Variants in CSTF3 observed in about 807,000 individuals in gnomAD.
The protein encoded by CSTF3 is CF-1 77 kDa subunit.
A neutral mutation model predicts 105.8 loss-of-function variants in CSTF3; 29 were observed. That is an observed-to-expected ratio of 0.27 (90% CI 0.20 to 0.37). The LOEUF (loss-of-function observed/expected upper bound fraction) is 0.37. Ranked by LOEUF, CSTF3 falls within the 10% of genes least tolerant of loss-of-function variation. The pLI is 1.00. For missense variants in CSTF3, 357 were observed against 879.3 expected (o/e 0.41, Z 7.51); for synonymous variants, 252 against 281.9 (o/e 0.89, Z 1.06).
chr11:33,133,474 T>G (rs977593003), intron 3 of CSTF3, among the ~76,000 whole-genome samples: 3 of 152,250 alleles, frequency 2.0e-5, no homozygotes, highest in Non-Finnish European at 4.4e-5. Context: ...ACTACGCCTC[T>G]GGATGAAATA....
At chr11:33,155,386 T>TAAA (rs35704730) in intron 1 of CSTF3, among the ~76,000 whole-genome samples, 3 of 144,478 alleles carry the variant, frequency 2.1e-5, no homozygotes, top group Non-Finnish European at 3.0e-5. Flanking sequence ...ATAAAAAAAT[T>TAAA]AAAAAAAAAA....
intron 3 of CSTF3, among the ~76,000 whole-genome samples, chr11:33,129,239 ACAC>A (rs1313942331): frequency 1.3e-5 from 2 of 152,010 alleles, no homozygotes. Flanking sequence ...TTACAGGTGC[ACAC>A]CACCACACCT....
intron 3 of CSTF3, among the ~76,000 whole-genome samples, chr11:33,108,920 C>T (rs1855352828): frequency 6.6e-6 from 1 of 152,144 alleles, no homozygotes; most frequent in Admixed American, 6.5e-5. Flanking sequence ...CCCCTGCCCT[C>T]ATAGAGCTTA....
At chr11:33,133,412 C>A (rs777621772) in intron 3 of CSTF3, among the ~76,000 whole-genome samples, 1 of 152,154 alleles carries the variant, frequency 6.6e-6, no homozygotes, top group Non-Finnish European at 1.5e-5. Flanking sequence ...CTGGTCAACA[C>A]CTGAACCACA....
At chr11:33,116,223 G>A (rs1187742062) in intron 3 of CSTF3, among the ~76,000 whole-genome samples, 1 of 152,088 alleles carries the variant, frequency 6.6e-6, no homozygotes, top group Non-Finnish European at 1.5e-5. Flanking sequence ...ACTTTCCCAA[G>A]CCAACTAAAA....
intron 9 of CSTF3, among the ~76,000 whole-genome samples, chr11:33,102,603 A>C (rs757700669): frequency 7.9e-5 from 12 of 152,208 alleles, no homozygotes; most frequent in Non-Finnish European, 1.3e-4. Context: ...AGGATGTAAG[A>C]GTTGACAGAT....
At chr11:33,095,557 C>T (rs1332234158) in intron 15 of CSTF3, among the ~76,000 whole-genome samples, 1 of 151,856 alleles carries the variant, frequency 6.6e-6, no homozygotes, top group African/African-American at 2.4e-5. Flanking sequence ...CGCGGTGGCT[C>T]ACGCCTGTAA....
At chr11:33,112,684 T>C (rs1403532084) in intron 3 of CSTF3, among the ~76,000 whole-genome samples, 1 of 152,138 alleles carries the variant, frequency 6.6e-6, no homozygotes, top group Non-Finnish European at 1.5e-5. Flanking sequence ...TTTTCCTTCT[T>C]TAAAAGATTA....
At chr11:33,149,728 A>G (rs1451857910) in intron 1 of CSTF3, among the ~76,000 whole-genome samples, 1 of 152,186 alleles carries the variant, frequency 6.6e-6, no homozygotes, top group Non-Finnish European at 1.5e-5. Flanking sequence ...TACTAAAAAT[A>G]CAAAAATTGG....
intron 1 of CSTF3, among the ~76,000 whole-genome samples, chr11:33,145,219 T>C (rs1260650036): frequency 6.6e-6 from 1 of 151,974 alleles, no homozygotes; most frequent in Non-Finnish European, 1.5e-5. Context: ...GAGGATTGCT[T>C]GAGCCCAGGA....
chr11:33,158,533 A>G (rs1479430427), intron 1 of CSTF3, among the ~76,000 whole-genome samples: 1 of 152,182 alleles, frequency 6.6e-6, no homozygotes, highest in African/African-American at 2.4e-5. Context: ...TTATCAATTG[A>G]TAACTAGGTA....
At chr11:33,122,648 C>T (rs1441102996) in intron 3 of CSTF3, among the ~76,000 whole-genome samples, 1 of 152,020 alleles carries the variant, frequency 6.6e-6, no homozygotes, top group East Asian at 1.9e-4. Flanking sequence ...AGCATGGTGG[C>T]TCAAGCCTGT....
At chr11:33,086,487 G>A (rs1164216470) in intron 18 of CSTF3, among the ~76,000 whole-genome samples, 2 of 151,294 alleles carry the variant, frequency 1.3e-5, no homozygotes, top group African/African-American at 4.9e-5. Flanking sequence ...GCCCAGGCTG[G>A]AGTGCAATGG....
intron 1 of CSTF3, among the ~76,000 whole-genome samples, chr11:33,148,962 G>GCA (rs1406497438): frequency 6.6e-6 from 1 of 151,502 alleles, no homozygotes; most frequent in Non-Finnish European, 1.5e-5. Flanking sequence ...ACGTAGCTGG[G>GCA]ACTACAGGCG....
chr11:33,126,535 T>G (rs924766241), intron 3 of CSTF3, among the ~76,000 whole-genome samples: 1 of 152,190 alleles, frequency 6.6e-6, no homozygotes, highest in African/African-American at 2.4e-5. Flanking sequence ...CTGAAATACT[T>G]AAATATTTAG....
chr11:33,122,146 G>GTA (rs1855496075), intron 3 of CSTF3, among the ~76,000 whole-genome samples: 1 of 152,130 alleles, frequency 6.6e-6, no homozygotes, highest in Non-Finnish European at 1.5e-5. Context: ...ATACATTGTT[G>GTA]GATAGCAAAG....
rs1223303134 is a variant in CSTF3, at chr11:33,084,821, TG to T, written c.*265del. 8.4e-6 allele frequency: 4 copies of T among 478,278 alleles called. No homozygotes were observed. Among genetic ancestry groups the T allele is most frequent in the Non-Finnish European group, 1.5e-5 (4 of 265,298 alleles). 29.6% of individuals were successfully genotyped at this position (478,278 alleles called of 1,614,324 possible). ...TCAAGCGGCACATACAAGACACCCT[TG>T]AAGAGGGAACAAAATGTGGTTCTGC... On this transcript the variant is annotated 3_prime_UTR_variant, in exon 21 of 21. Transcript: ENST00000323959.
At chr11:33,096,501 ATATG>A in intron 14 of CSTF3, 93 bp from the exon 15 acceptor site, 1 of 775,440 alleles carries the variant, frequency 1.3e-6, no homozygotes, top group Non-Finnish European at 2.1e-6. Flanking sequence ...ATATGACAAA[ATATG>A]TAAGAATTAA....
At chr11:33,121,027 C>T (rs1165102198) in intron 3 of CSTF3, among the ~76,000 whole-genome samples, 1 of 152,066 alleles carries the variant, frequency 6.6e-6, no homozygotes, top group Middle Eastern at 3.4e-3. Context: ...CACAGGATTT[C>T]GATCTTTCCG....
Sources: allele counts gnomAD v4.1 joint callset (sites outside exome capture counted in the v4.1 genomes callset), GRCh38; gene constraint gnomAD v4.1.1; transcripts MANE v1.5; gene names NCBI Gene and HGNC (gene_info 2026-07-23, HGNC 2026-07-21).